BUB3: variants seen among roughly 807,000 people sequenced by gnomAD.
BUB3 encodes mitotic checkpoint protein BUB3.
Under a neutral mutation model 39.9 loss-of-function variants are expected in BUB3, and 22 were observed. The observed-to-expected ratio is 0.55, with a 90% CI of 0.39 to 0.79. BUB3 has a LOEUF of 0.79. Among genes scored for constraint, BUB3 ranks in the 30% least tolerant of loss-of-function variants. The pLI is 0.00. For synonymous variants in BUB3, 168 were observed against 155.1 expected, an observed-to-expected ratio of 1.08 and a Z score of -0.62; for missense variants, 303 against 415.4, an observed-to-expected ratio of 0.73 and a Z score of 2.35.
chr10:123,163,976 T>A lies in BUB3; in HGVS notation c.*141T>A. 1 of 1,318,158 alleles carries A rather than the reference T, an allele frequency of 7.6e-7. No homozygotes were observed. Among genetic ancestry groups the A allele is most frequent in the Non-Finnish European group, 9.8e-7 (1 of 1,023,456 alleles). The allele number at this position is 1,318,158 out of a possible 1,614,324, so 81.7% of individuals were successfully genotyped here. A position where few individuals can be genotyped will look rare whatever the true frequency, so the allele number is the denominator to read the frequency against. Reference sequence around the variant, plus strand: ...CAACCTGAAAATAATGGAAAAGAGGTTTTTGAATTTTTTTTTTTAAATAAA... The same window carrying A: ...CAACCTGAAAATAATGGAAAAGAGGATTTTGAATTTTTTTTTTTAAATAAA... On this transcript the variant is annotated 3_prime_UTR_variant, in exon 8 of 8. Coordinates refer to ENST00000368865, the MANE Select transcript of BUB3 (RefSeq NM_004725.4).
At position 123,167,253 on chromosome 10, in the gene BUB3, C is replaced by T. The variant is rs986064792; in HGVS notation, c.*3418C>T. ...CCGACGCTTGTGTTGATTCCCAAAT[C>T]TCAGTCTGCCCAGGGTCATTCTCTT... On this transcript the variant is annotated 3_prime_UTR_variant, in exon 8 of 8. Coordinates refer to ENST00000368865, the MANE Select transcript of BUB3 (RefSeq NM_004725.4). 1.3e-5 allele frequency: 2 copies of T among 152,240 alleles called. No homozygotes were observed. The highest frequency in any genetic ancestry group is 4.8e-5 in the African/African-American group (2 of 41,458). 9.4% of individuals were successfully genotyped at this position (152,240 alleles called of 1,614,324 possible).
At chr10:123,163,537 G>A (rs537907326) in intron 7 of BUB3, among the ~76,000 whole-genome samples, 1 of 152,172 alleles carries the variant, frequency 6.6e-6, no homozygotes, top group Non-Finnish European at 1.5e-5. Context: ...GGAAGTTCTC[G>A]ATACATATTT....
In BUB3 at chr10:123,167,804, G is replaced by A. The variant is rs536708619; in HGVS notation, c.*3969G>A. 4.7e-4 allele frequency: 72 copies of A among 152,186 alleles called. No individual in the cohort carries two copies. Among genetic ancestry groups the A allele is most frequent in the African/African-American group, 1.7e-3 (69 of 41,514 alleles). The allele number at this position is 152,186 out of a possible 1,614,324, so 9.4% of individuals were successfully genotyped here. On this transcript the variant is annotated 3_prime_UTR_variant, in exon 8 of 8. Coordinates refer to ENST00000368865, the MANE Select transcript of BUB3 (RefSeq NM_004725.4). The stretch of plus-strand genomic sequence containing the variant: ...TTCATGGAGGTATTTGATGAAAATT[G>A]TATATATTTAAGGTATATAATGTTT...
intron 4 of BUB3, 151 bp downstream of exon 4, chr10:123,158,031 A>G (rs944691770): frequency 8.1e-6 from 7 of 865,634 alleles, no homozygotes; most frequent in Non-Finnish European, 8.2e-6. Flanking sequence ...ATCCAACTAC[A>G]TAGAAATGCT....
In BUB3 at chr10:123,161,005, C is replaced by T. The variant is rs75155690; in HGVS notation, c.576+440C>T. On this transcript the variant is annotated intron_variant, in intron 5 of 7. Transcript: ENST00000368865. ...AACCCTAATGCTTATGGAGTTCTTT[C>T]CCCAGTTTGACAATAGAACTTTGAT... Among the ~76,000 whole-genome samples, 89 of 152,050 alleles carry T rather than the reference C, an allele frequency of 5.9e-4. 1 individual carries two copies. The East Asian group carries it at 0.015, about 26-fold the overall frequency.
At chr10:123,154,807 C>T in intron 1 of BUB3, 111 bp from the exon 2 acceptor site, 3 of 1,198,958 alleles carry the variant, frequency 2.5e-6, no homozygotes, top group African/African-American at 1.6e-5. Flanking sequence ...GCAGAGTCTC[C>T]TCGCGGTCGT....
At chr10:123,154,759 C>T (rs1421632731) in intron 1 of BUB3, 159 bp from the exon 2 acceptor site, 4 of 764,474 alleles carry the variant, frequency 5.2e-6, no homozygotes, top group South Asian at 3.8e-5. Flanking sequence ...GGGGCGAGTC[C>T]GGACCTTGGC....
At chr10:123,160,708 GA>G in intron 5 of BUB3, 143 bp downstream of exon 5, 2 of 800,216 alleles carry the variant, frequency 2.5e-6, no homozygotes, top group South Asian at 3.2e-5. Context: ...ATTCTTCCTT[GA>G]TATTTTTGAC....
chr10:123,163,915 A>G lies in BUB3; in HGVS notation c.*80A>G. 2 of 1,437,260 alleles carry G rather than the reference A, an allele frequency of 1.4e-6. No homozygotes were observed. Among genetic ancestry groups the G allele is most frequent in the Middle Eastern group, 2.0e-4 (1 of 4,944 alleles). The allele number at this position is 1,437,260 out of a possible 1,614,324, so 89.0% of individuals were successfully genotyped here. A position where few individuals can be genotyped will look rare whatever the true frequency, so the allele number is the denominator to read the frequency against. On this transcript the variant is annotated 3_prime_UTR_variant, in exon 8 of 8. Coordinates refer to ENST00000368865, the MANE Select transcript of BUB3 (RefSeq NM_004725.4). ...CCCAATGGTGGATTTATTACTATTA[A>G]AGAAACCAGGGAAAATATTAATTTT...
intron 5 of BUB3, among the ~76,000 whole-genome samples, chr10:123,161,868 G>A (rs1397323503): frequency 6.6e-6 from 1 of 152,152 alleles, no homozygotes; most frequent in African/African-American, 2.4e-5. Flanking sequence ...AGTTGTTCGC[G>A]ATGAAGAGGC....
At position 123,162,787 on chromosome 10, in the gene BUB3, T is replaced by A. The variant is rs762924864; in HGVS notation, c.930T>A (p.Gly310=). ...EMDDTEHPED[G]IFIRQVTDAE... is the part of the protein sequence containing the mutation. ...ATGACACAGAACATCCTGAAGATGG[T>A]ATCTTCATTCGCCAAGTGACAGATG... Residue 310 remains glycine (G), a synonymous_variant, in exon 7 of 8, where the codon GGT becomes GGA. Transcript: ENST00000368865. The A allele has an allele frequency of 6.2e-6, 10 of 1,613,654 alleles. No individual in the cohort carries two copies. The highest frequency in any genetic ancestry group is 7.6e-6 in the Non-Finnish European group (9 of 1,179,856).
chr10:123,156,137 T>G (rs1008063900), intron 3 of BUB3, among the ~76,000 whole-genome samples: 1 of 152,228 alleles, frequency 6.6e-6, no homozygotes, highest in African/African-American at 2.4e-5. Context: ...TGACAAAAAA[T>G]AGGCAATCAT....
Position 123,164,519 on chromosome 10 carries a change from T to C in BUB3, c.*684T>C. On this transcript the variant is annotated 3_prime_UTR_variant, in exon 8 of 8. Transcript: ENST00000368865. ...AACAATTGATCCCAGAAGGGCAAATTGTTTGAGTCAGTAATGAGCTGAGAA... is the reference window on the plus strand; with the variant it reads ...AACAATTGATCCCAGAAGGGCAAATCGTTTGAGTCAGTAATGAGCTGAGAA... 2.0e-6 allele frequency: 2 copies of C among 985,784 alleles called. No homozygotes were observed. Among genetic ancestry groups the C allele is most frequent in the Non-Finnish European group, 2.4e-6 (2 of 830,190 alleles). The allele number at this position is 985,784 out of a possible 1,614,324, so 61.1% of individuals were successfully genotyped here. A position where few individuals can be genotyped will look rare whatever the true frequency, so the allele number is the denominator to read the frequency against.
chr10:123,159,160 A>G (rs757380199), intron 4 of BUB3, among the ~76,000 whole-genome samples: 6 of 152,150 alleles, frequency 3.9e-5, no homozygotes, highest in East Asian at 1.9e-4. Context: ...TATTAAATCT[A>G]TTGTTTTGAA....
In BUB3 at chr10:123,156,821, A is replaced by AC. The variant is rs1844354482; in HGVS notation, c.266-906dup. ...GAGTGCAGTGGTGTGATCTTGGCTCACCACAGCCTCCGCCACCCGCATTCA... is the reference window on the plus strand; with the variant it reads ...GAGTGCAGTGGTGTGATCTTGGCTCACCCACAGCCTCCGCCACCCGCATTCA... On this transcript the variant is annotated intron_variant, in intron 3 of 7. Transcript: ENST00000368865. 2.0e-5 allele frequency among the ~76,000 whole-genome samples: 3 copies of AC among 147,452 alleles called. No homozygotes were observed. In the Admixed American group the frequency reaches 2.1e-4, roughly 10 times the overall value.
chr10:123,155,835 A>G, intron 3 of BUB3, 108 bp downstream of exon 3: 1 of 1,002,304 alleles, frequency 1.0e-6, no homozygotes, highest in Non-Finnish European at 1.6e-6. Context: ...TAAGTTGCTT[A>G]AGTACAGGTG....
chr10:123,160,924 A>G (rs575128023), intron 5 of BUB3, among the ~76,000 whole-genome samples: 1 of 152,294 alleles, frequency 6.6e-6, no homozygotes, highest in African/African-American at 2.4e-5. Flanking sequence ...CTGAATTAAA[A>G]TTTATATCTG....
chr10:123,161,801 G>C (rs1041791432), intron 5 of BUB3, among the ~76,000 whole-genome samples: 1 of 152,208 alleles, frequency 6.6e-6, no homozygotes, highest in African/African-American at 2.4e-5. Context: ...TGGAAGACTG[G>C]TGTTCTAGTT....
Position 123,154,898 on chromosome 10 carries a change from T to TCTGA in BUB3, c.1-17_1-16insACTG, listed in dbSNP as rs113756220. ...CCCAGCCCGCGGGACCCCTGGGGAC[T>TCTGA]CTGGGCGCCTGTTCTGCAGATGACC... On this transcript the variant is annotated intron_variant, in intron 1 of 7. Coordinates refer to ENST00000368865, the MANE Select transcript of BUB3 (RefSeq NM_004725.4). The TCTGA allele has an allele frequency of 0.15, 232,685 of 1,603,220 alleles. 19,731 individuals carry two copies. Among genetic ancestry groups the TCTGA allele is most frequent in the East Asian group, 0.36 (15,906 of 44,654 alleles).
Sources: gnomAD v4.1 joint callset for allele counts (sites outside exome capture counted in the v4.1 genomes callset) on GRCh38, gnomAD v4.1.1 for gene constraint, MANE v1.5 for transcripts, NCBI Gene and HGNC (gene_info 2026-07-23, HGNC 2026-07-21) for gene names.